CHAC1: variants seen among roughly 807,000 people sequenced by gnomAD.
The protein encoded by CHAC1 is ChaC glutathione specific gamma-glutamylcyclotransferase 1, also known as glutathione-specific gamma-glutamylcyclotransferase 1.
A neutral mutation model predicts 22.1 loss-of-function variants in CHAC1; 22 were observed. That is an observed-to-expected ratio of 1.00 (90% confidence interval 0.71 to 1.42). The LOEUF is 1.42. Among genes scored for constraint, CHAC1 ranks in the 40% most tolerant of loss-of-function variants. The pLI is 0.00. For missense variants in CHAC1, 272 were observed against 299.2 expected, an observed-to-expected ratio of 0.91 and a Z score of 0.67; for synonymous variants, 145 against 128.7, an observed-to-expected ratio of 1.13 and a Z score of -0.86.
At position 40,955,914 on chromosome 15, in the gene CHAC1, G is replaced by A; in HGVS notation, c.*140G>A. The A allele has an allele frequency of 1.2e-6, 1 of 821,956 alleles. No individual in the cohort carries two copies. The highest frequency in any genetic ancestry group is 2.7e-5 in the East Asian group (1 of 37,150). 50.9% of individuals were successfully genotyped at this position (821,956 alleles called of 1,614,324 possible). On this transcript the variant is annotated 3_prime_UTR_variant, in exon 3 of 3. Transcript: ENST00000617768. ...TGGAGGCTTCTCTTTCTCAGTCCCTGCCTGTCTGCCAGCCTGCAGCTCTCC... is the reference window on the plus strand; with the variant it reads ...TGGAGGCTTCTCTTTCTCAGTCCCTACCTGTCTGCCAGCCTGCAGCTCTCC...
Position 40,955,878 on chromosome 15 carries a change from T to C in CHAC1, c.*104T>C. 1.6e-6 allele frequency: 2 copies of C among 1,248,858 alleles called. No homozygotes were observed. Among genetic ancestry groups the C allele is most frequent in the East Asian group, 2.6e-5 (1 of 39,164 alleles). 77.4% of individuals were successfully genotyped at this position (1,248,858 alleles called of 1,614,324 possible). A position where few individuals can be genotyped will look rare whatever the true frequency, so the allele number is the denominator to read the frequency against. On this transcript the variant is annotated 3_prime_UTR_variant, in exon 3 of 3. Coordinates refer to ENST00000617768, the MANE Select transcript of CHAC1 (RefSeq NM_024111.6). ...ACCGCTTGAGCCCACTGAGCAGATA[T>C]GGTGGGTGGCTGGAGGCTTCTCTTT...
chr15:40,953,541 C>A lies in CHAC1; in HGVS notation c.-43C>A, dbSNP rs1384191212. ...GGTCTTTCCGTGCCCACGCCGGAGA[C>A]CAGCCCCGGAGGCCGCCTGGGCCTA... On this transcript the variant is annotated 5_prime_UTR_variant, in exon 1 of 3. Coordinates refer to ENST00000617768, the MANE Select transcript of CHAC1 (RefSeq NM_024111.6). The A allele has an allele frequency of 4.4e-6, 7 of 1,607,574 alleles. No individual in the cohort carries two copies. The highest frequency in any genetic ancestry group is 2.2e-5 in the South Asian group (2 of 90,988).
chr15:40,955,817 C>T lies in CHAC1; in HGVS notation c.*43C>T. On this transcript the variant is annotated 3_prime_UTR_variant, in exon 3 of 3. Transcript: ENST00000617768. ...GGGAGTGCTCATGTGGACATCAGGG[C>T]CAGACACCCACTCCAGTGCACAAGA... The T allele has an allele frequency of 6.6e-7, 1 of 1,524,704 alleles. No individual in the cohort carries two copies. 94.4% of individuals were successfully genotyped at this position (1,524,704 alleles called of 1,614,324 possible).
At chr15:40,955,037 C>T (rs942957744) in intron 2 of CHAC1, among the ~76,000 whole-genome samples, 5 of 151,864 alleles carry the variant, frequency 3.3e-5, no homozygotes, top group Admixed American at 1.3e-4. Flanking sequence ...GGGTTACAGG[C>T]GTACGCCACC....
Position 40,956,010 on chromosome 15 carries a change from C to G in CHAC1, c.*236C>G. On this transcript the variant is annotated 3_prime_UTR_variant, in exon 3 of 3. Transcript: ENST00000617768. ...GTTGGTGTGGTGGGCAGGTGGAGGG[C>G]CTGCCCTGGACACAGGGGCCCTGCT... is the stretch of plus-strand genomic sequence containing the variant. The G allele has an allele frequency of 1.8e-6, 1 of 542,252 alleles. No individual in the cohort carries two copies. Among genetic ancestry groups the G allele is most frequent in the East Asian group, 3.1e-5 (1 of 32,282 alleles). 33.6% of individuals were successfully genotyped at this position (542,252 alleles called of 1,614,324 possible).
At chr15:40,955,217 G>C (rs1029082362) in intron 2 of CHAC1, among the ~76,000 whole-genome samples, 156 bp from the exon 3 acceptor site, 2 of 152,182 alleles carry the variant, frequency 1.3e-5, no homozygotes, top group African/African-American at 4.8e-5. Context: ...AACAAAGAGA[G>C]TACAAGGGCT....
In CHAC1 at chr15:40,955,601, C is replaced by G; in HGVS notation, c.496C>G (p.Leu166Val). 1 of 1,614,024 alleles carries G rather than the reference C, an allele frequency of 6.2e-7. No individual in the cohort carries two copies. The highest frequency in any genetic ancestry group is 8.5e-7 in the Non-Finnish European group (1 of 1,180,032). ...TGAAGAGGCCATTGCCACGCAGATC[C>G]TGGCCTGCCGGGGCTTCTCCGGCCA... ...APEEAIATQI[L>V]ACRGFSGHNL... The change falls in exon 3 of 3, where the codon CTG becomes GTG. Residue 166 changes from leucine (L) to valine (V), a missense_variant. Transcript: ENST00000617768.
rs143670766 is a variant in CHAC1 at position 40,955,675 on chromosome 15, G to A, written c.570G>A (p.Gly190=). Residue 190 remains glycine, a synonymous_variant, in exon 3 of 3, where the codon GGG becomes GGA. Coordinates refer to ENST00000617768, the MANE Select transcript of CHAC1 (RefSeq NM_024111.6). ...LRLADFMQLC[G]PQAQDEHLAA... is the part of the protein sequence containing the mutation. ...TGGCAGACTTCATGCAGCTCTGTGGGCCTCAGGCGCAGGACGAGCACCTGG... is the reference window on the plus strand; with the variant it reads ...TGGCAGACTTCATGCAGCTCTGTGGACCTCAGGCGCAGGACGAGCACCTGG... 380 of 1,611,048 alleles carry A rather than the reference G, an allele frequency of 2.4e-4. No homozygotes were observed. Among genetic ancestry groups the A allele is most frequent in the Non-Finnish European group, 2.9e-4 (347 of 1,180,020 alleles).
At position 40,955,354 on chromosome 15, in the gene CHAC1, T is replaced by A. The variant is rs759367723; in HGVS notation, c.268-19T>A. On this transcript the variant is annotated intron_variant, in intron 2 of 2. Transcript: ENST00000617768. ...AGGAGCTGTCATGACTGACCCCGGG[T>A]GTCCCTATTTCTTCCCAGGGCTGCA... 1 of 1,611,810 alleles carries A rather than the reference T, an allele frequency of 6.2e-7. No homozygotes were observed. Among genetic ancestry groups the A allele is most frequent in the East Asian group, 2.2e-5 (1 of 44,864 alleles).
rs187799410 is a variant in CHAC1, at chr15:40,954,645, C to T, written c.267+382C>T. ...TTGAGACAGAGTCTTGCTCTGTTGC[C>T]CAGGCTGGAGTGCAGTGATGCAATC... On this transcript the variant is annotated intron_variant, in intron 2 of 2. Coordinates refer to ENST00000617768, the MANE Select transcript of CHAC1 (RefSeq NM_024111.6). Among the ~76,000 whole-genome samples, 8 of 152,140 alleles carry T rather than the reference C, an allele frequency of 5.3e-5. No individual in the cohort carries two copies. The East Asian group carries it at 1.5e-3, about 29-fold the overall frequency.
At position 40,953,552 on chromosome 15, in the gene CHAC1, G is replaced by A. The variant is rs925750504; in HGVS notation, c.-32G>A. On this transcript the variant is annotated 5_prime_UTR_variant, in exon 1 of 3. Transcript: ENST00000617768. ...GCCCACGCCGGAGACCAGCCCCGGA[G>A]GCCGCCTGGGCCTATCCCTGTGCCA... 1.2e-6 allele frequency: 2 copies of A among 1,608,234 alleles called. No individual in the cohort carries two copies. Among genetic ancestry groups the A allele is most frequent in the Non-Finnish European group, 1.7e-6 (2 of 1,179,534 alleles).
In CHAC1 at chr15:40,953,493, C is replaced by G. The variant is rs1002407987; in HGVS notation, c.-91C>G. Reference sequence around the variant, plus strand: ...CTCAGCTGGAGCTACCGAGCGGTGCCAGGCCAGGTGTGTGCGTCCGTCGGT... The same window carrying G: ...CTCAGCTGGAGCTACCGAGCGGTGCGAGGCCAGGTGTGTGCGTCCGTCGGT... On this transcript the variant is annotated 5_prime_UTR_variant, in exon 1 of 3. Coordinates refer to ENST00000617768, the MANE Select transcript of CHAC1 (RefSeq NM_024111.6). 1 of 1,560,114 alleles carries G rather than the reference C, an allele frequency of 6.4e-7. No homozygotes were observed. The highest frequency in any genetic ancestry group is 1.2e-5 in the South Asian group (1 of 85,816).
In CHAC1 at chr15:40,955,714, C is replaced by T. The variant is rs750093950; in HGVS notation, c.609C>T (p.Asp203=). Residue 203 remains aspartate (D), a synonymous_variant, in exon 3 of 3, where the codon GAC becomes GAT. Coordinates refer to ENST00000617768, the MANE Select transcript of CHAC1 (RefSeq NM_024111.6). Reference sequence around the variant, plus strand: ...ACGAGCACCTGGCAGCCATCGTGGACGCTGTGGGCACCATGTTGCCCTGCT... The same window carrying T: ...ACGAGCACCTGGCAGCCATCGTGGATGCTGTGGGCACCATGTTGCCCTGCT... The part of the protein sequence containing the change: ...AQDEHLAAIV[D]AVGTMLPCFC... The T allele has an allele frequency of 6.3e-5, 101 of 1,605,660 alleles. No individual in the cohort carries two copies. The highest frequency in any genetic ancestry group is 2.6e-4 in the South Asian group (24 of 91,080).
At chr15:40,954,309 G>C in intron 2 of CHAC1, 46 bp downstream of exon 2, 1 of 1,599,704 alleles carries the variant, frequency 6.3e-7, no homozygotes, top group Non-Finnish European at 8.6e-7. Context: ...AGTGTGAAGG[G>C]GGACCAGCAG....
intron 2 of CHAC1, among the ~76,000 whole-genome samples, chr15:40,954,956 C>T (rs1461876020): frequency 6.6e-6 from 1 of 151,344 alleles, no homozygotes; most frequent in Non-Finnish European, 1.5e-5. Flanking sequence ...CCTTGTCACC[C>T]AGGCTGAAGT....
chr15:40,954,081 TC>T, intron 1 of CHAC1, 146 bp from the exon 2 acceptor site: 1 of 818,352 alleles, frequency 1.2e-6, no homozygotes, highest in Middle Eastern at 2.8e-4. Context: ...CGTGCATCGC[TC>T]CCCCACCTTC....
chr15:40,953,626 C>G lies in CHAC1; in HGVS notation c.43C>G (p.Gln15Glu), dbSNP rs1893156725. 7 of 1,609,976 alleles carry G rather than the reference C, an allele frequency of 4.3e-6. No homozygotes were observed. The highest frequency in any genetic ancestry group is 5.9e-6 in the Non-Finnish European group (7 of 1,179,976). ...AGCCCCGAACACCCCGCCCACCTCG[C>G]AGTCCCCTACGCCGTCCGCTCAGTT... Reference protein sequence around the residue: ...SAAPNTPPTSQSPTPSAQFPR... With the variant: ...SAAPNTPPTSESPTPSAQFPR... Residue 15 changes from glutamine (Q) to glutamate (E), a missense_variant, in exon 1 of 3, where the codon CAG becomes GAG. Coordinates refer to ENST00000617768, the MANE Select transcript of CHAC1 (RefSeq NM_024111.6).
At position 40,953,812 on chromosome 15, in the gene CHAC1, A is replaced by G; in HGVS notation, c.229A>G (p.Met77Val). 1 of 1,587,976 alleles carries G rather than the reference A, an allele frequency of 6.3e-7. No homozygotes were observed. Among genetic ancestry groups the G allele is most frequent in the Non-Finnish European group, 8.5e-7 (1 of 1,172,864 alleles). Residue 77 changes from methionine to valine, a missense_variant and splice_region_variant, in exon 1 of 3, where the codon ATG (methionine) becomes GTG (valine). Physicochemically the swap from Met to Val is conservative, Grantham distance 21. Coordinates refer to ENST00000617768, the MANE Select transcript of CHAC1 (RefSeq NM_024111.6). The stretch of plus-strand genomic sequence containing the variant: ...CACCTTCCATCGGGGCAGCGACAAG[A>G]TGGTGAGCATCCAACCGTGCCCAGG... ...GDTFHRGSDK[M>V]PGRVVTLLED...
rs1239153968 is a variant in CHAC1, at chr15:40,955,533, AT to A, written c.429del (p.Tyr143Ter). ...GACCAACCACTGAAGGCATTGGCCT[AT>A]GTGGCCACCCCACAGAACCCTGGTT... The part of the protein sequence containing the change: ...APDQPLKALA[Y>X]VATPQNPGYL... On this transcript the variant is annotated frameshift_variant, in exon 3 of 3. Coordinates refer to ENST00000617768, the MANE Select transcript of CHAC1 (RefSeq NM_024111.6). LOFTEE classifies it high-confidence loss of function. 1.2e-6 allele frequency: 2 copies of A among 1,614,188 alleles called. No individual in the cohort carries two copies. The highest frequency in any genetic ancestry group is 1.7e-6 in the Non-Finnish European group (2 of 1,180,042).
Sources: gnomAD v4.1 joint callset for allele counts (sites outside exome capture counted in the v4.1 genomes callset) on GRCh38, gnomAD v4.1.1 for gene constraint, MANE v1.5 for transcripts, NCBI Gene and HGNC (gene_info 2026-07-23, HGNC 2026-07-21) for gene names.